TOGARAM1: variants seen among roughly 807,000 people sequenced by gnomAD.
TOGARAM1 encodes TOG array regulator of axonemal microtubules protein 1.
In TOGARAM1, 100 loss-of-function variants were observed where a neutral mutation model predicts 166.6. The observed-to-expected ratio is 0.60, with a 90% CI of 0.51 to 0.71. TOGARAM1 has a LOEUF of 0.71. Ranked by LOEUF, TOGARAM1 falls within the 30% of genes least tolerant of loss-of-function variation. The pLI is 0.00. For missense variants in TOGARAM1, 2,029 were observed against 2,102.7 expected (o/e 0.96, Z 0.69); for synonymous variants, 758 against 763.8 (o/e 0.99, Z 0.13).
intron 17 of TOGARAM1, 100 bp from the exon 18 acceptor site, chr14:45,068,324 T>A (rs1321753087): frequency 1.0e-5 from 9 of 865,918 alleles, no homozygotes; most frequent in Non-Finnish European, 1.4e-5. Context: ...ATATTTAAAC[T>A]GAGTAAAGTA....
chr14:45,061,473 G>A (rs1882897571), intron 16 of TOGARAM1, among the ~76,000 whole-genome samples: 1 of 152,054 alleles, frequency 6.6e-6, no homozygotes, highest in Non-Finnish European at 1.5e-5. Context: ...CCTGATCTTT[G>A]GGACAAAATG....
At chr14:45,005,083 T>G (rs1887888210) in intron 4 of TOGARAM1, among the ~76,000 whole-genome samples, 3 of 151,904 alleles carry the variant, frequency 2.0e-5, no homozygotes, top group Admixed American at 6.5e-5. Flanking sequence ...GCCCGGCTAA[T>G]TTTGTATTTT....
chr14:44,976,975 G>A (rs944854552), intron 1 of TOGARAM1, among the ~76,000 whole-genome samples: 1 of 151,928 alleles, frequency 6.6e-6, no homozygotes, highest in Non-Finnish European at 1.5e-5. Context: ...CAATAATTTT[G>A]CTCAAAATTG....
chr14:45,055,515 C>T (rs921203129), intron 16 of TOGARAM1, among the ~76,000 whole-genome samples: 1 of 151,942 alleles, frequency 6.6e-6, no homozygotes, highest in Non-Finnish European at 1.5e-5. Flanking sequence ...CTTAAGGTTG[C>T]TTTGGCTGGC....
Position 44,984,305 on chromosome 14 carries a change from A to C in TOGARAM1, c.2047-11441A>C, listed in dbSNP as rs1886675550. On this transcript the variant is annotated intron_variant, in intron 1 of 19. Transcript: ENST00000361462. ...TTTAATGGTACATAATAATAATAAT[A>C]TTAAAAATATATCCATTTTTGTGAA... 2.6e-5 allele frequency among the ~76,000 whole-genome samples: 4 copies of C among 152,116 alleles called. 1 individual carries two copies. The South Asian group carries it at 8.3e-4, about 32-fold the overall frequency.
At chr14:44,979,030 A>AT (rs1555342832) in intron 1 of TOGARAM1, among the ~76,000 whole-genome samples, 1 of 151,354 alleles carries the variant, frequency 6.6e-6, no homozygotes, top group Non-Finnish European at 1.5e-5. Flanking sequence ...GAAATAACAG[A>AT]TAAAAAAAAA....
chr14:45,072,172 A>G (rs778715020), intron 19 of TOGARAM1, among the ~76,000 whole-genome samples: 2 of 152,182 alleles, frequency 1.3e-5, no homozygotes, highest in Non-Finnish European at 2.9e-5. Flanking sequence ...AACTGCTTCA[A>G]AATTCTCAGG....
intron 14 of TOGARAM1, among the ~76,000 whole-genome samples, chr14:45,047,982 G>A (rs1352673000): frequency 6.6e-6 from 1 of 151,436 alleles, no homozygotes; most frequent in Admixed American, 6.6e-5. Context: ...CACCAACCTG[G>A]GAGGCAGAGG....
At chr14:44,982,811 T>A (rs1206042880) in intron 1 of TOGARAM1, among the ~76,000 whole-genome samples, 1 of 152,180 alleles carries the variant, frequency 6.6e-6, no homozygotes, top group Non-Finnish European at 1.5e-5. Flanking sequence ...CACATGTGAG[T>A]CATTTATTCC....
chr14:45,007,829 A>T (rs979442862), intron 5 of TOGARAM1: 1 of 152,212 alleles, frequency 6.6e-6, no homozygotes, highest in Non-Finnish European at 1.5e-5. Context: ...TCCCTGAGTT[A>T]AGAAGCAAGT....
At chr14:45,013,360 A>G (rs1399816320) in intron 7 of TOGARAM1, among the ~76,000 whole-genome samples, 1 of 152,184 alleles carries the variant, frequency 6.6e-6, no homozygotes. Flanking sequence ...CTTGATCCCC[A>G]AAGATTATTT....
chr14:44,986,891 A>G (rs1886835301), intron 1 of TOGARAM1, among the ~76,000 whole-genome samples: 1 of 151,098 alleles, frequency 6.6e-6, no homozygotes, highest in East Asian at 2.0e-4. Flanking sequence ...CTGTAGTCCT[A>G]GCTCCTCGGG....
At chr14:45,062,513 A>G (rs757641494) in intron 16 of TOGARAM1, among the ~76,000 whole-genome samples, 3 of 152,114 alleles carry the variant, frequency 2.0e-5, no homozygotes, top group Admixed American at 6.5e-5. Flanking sequence ...TAATTCATCT[A>G]TTTAAGACAT....
At position 45,032,311 on chromosome 14, in the gene TOGARAM1, A is replaced by C. The variant is rs368459264; in HGVS notation, c.3747A>C (p.Leu1249=). The C allele has an allele frequency of 7.4e-6, 12 of 1,614,014 alleles. No homozygotes were observed. Among genetic ancestry groups the C allele is most frequent in the Non-Finnish European group, 8.5e-6 (10 of 1,180,008 alleles). ...HSPEIMDLSE[L]RPFSKPEIAL... ...CAGAAATAATGGATCTGTCAGAACTACGACCATTCTCTAAACCAGAAATAG... is the reference window on the plus strand; with the variant it reads ...CAGAAATAATGGATCTGTCAGAACTCCGACCATTCTCTAAACCAGAAATAG... The change falls in exon 11 of 20, where the codon CTA becomes CTC. Residue 1249 remains leucine, a synonymous_variant. Coordinates refer to ENST00000361462, the MANE Select transcript of TOGARAM1 (RefSeq NM_001308120.2).
chr14:45,021,481 T>C (rs182531718), intron 7 of TOGARAM1, among the ~76,000 whole-genome samples: 127 of 152,088 alleles, frequency 8.4e-4, no homozygotes, highest in Non-Finnish European at 1.4e-3. Flanking sequence ...AAGAGAAAAA[T>C]ATGATAAGGG....
intron 1 of TOGARAM1, among the ~76,000 whole-genome samples, chr14:44,966,112 G>A (rs562038287): frequency 2.0e-5 from 3 of 149,130 alleles, no homozygotes; most frequent in South Asian, 2.2e-4. Flanking sequence ...TGACCCACCC[G>A]CCTCGGCATC....
Position 44,963,756 on chromosome 14 carries a change from G to T in TOGARAM1, c.1335G>T (p.Ala445=), listed in dbSNP as rs748317794. The part of the protein sequence containing the change: ...PVIAASVKVL[A]DNKLVIKQEY... ...TAGCAGCTTCTGTCAAAGTGCTGGC[G>T]GACAACAAGTTGGTGATCAAACAAG... Residue 445 remains alanine (A), a synonymous_variant, in exon 1 of 20, where the codon GCG becomes GCT. Transcript: ENST00000361462. The T allele has an allele frequency of 5.0e-6, 8 of 1,613,698 alleles. No individual in the cohort carries two copies. The African/African-American group carries it at 5.3e-5, about 11-fold the overall frequency.
At chr14:45,021,755 C>T (rs928602344) in intron 7 of TOGARAM1, among the ~76,000 whole-genome samples, 3 of 152,124 alleles carry the variant, frequency 2.0e-5, no homozygotes, top group Non-Finnish European at 2.9e-5. Context: ...AAGGAAGGGG[C>T]TTGACTAATA....
At position 45,052,531 on chromosome 14, in the gene TOGARAM1, T is replaced by C. The variant is rs1013119801; in HGVS notation, c.4409T>C (p.Ile1470Thr). ...GTCCCATCTAAAGATTTGCCATATA[T>C]TAAGGACTCTGTTAGAAACTTACAG... ...KYVPSKDLPYIKDSVRNLQQK... is the reference protein window; with the variant it reads ...KYVPSKDLPYTKDSVRNLQQK... Residue 1470 changes from isoleucine to threonine, a missense_variant, in exon 15 of 20, where the codon ATT becomes ACT. Physicochemically the swap from Ile to Thr is moderately conservative, Grantham distance 89 (BLOSUM62 -1). Transcript: ENST00000361462. The C allele has an allele frequency of 3.1e-6, 5 of 1,609,488 alleles. No homozygotes were observed. In the African/African-American group the frequency reaches 4.0e-5, roughly 13 times the overall value.
Sources: allele counts gnomAD v4.1 joint callset (sites outside exome capture counted in the v4.1 genomes callset), GRCh38; gene constraint gnomAD v4.1.1; transcripts MANE v1.5; gene names NCBI Gene and HGNC (gene_info 2026-07-23, HGNC 2026-07-21).